EYS: variants seen among roughly 807,000 people sequenced by gnomAD.
EYS encodes EGF-like photoreceptor maintenance factor.
Under a neutral mutation model 282.1 loss-of-function variants are expected in EYS, and 250 were observed. The ratio of observed to expected loss-of-function variants is 0.89; its 90% CI spans 0.80 to 0.98. The LOEUF is 0.98. Ranked by LOEUF, EYS falls within the 50% of genes least tolerant of loss-of-function variation. The pLI, the probability that EYS is intolerant of heterozygous loss-of-function variation, is 0.00. For synonymous variants in EYS, 1,355 were observed against 1,282.9 expected, an observed-to-expected ratio of 1.06 and a Z score of -1.20; for missense variants, 4,016 against 3,709.0, an observed-to-expected ratio of 1.08 and a Z score of -2.15.
chr6:65,305,194 CT>C (rs1426168438), intron 11 of EYS, among the ~76,000 whole-genome samples: 3 of 151,624 alleles, frequency 2.0e-5, no homozygotes, highest in Admixed American at 2.0e-4. Context: ...GAAAAAAGTT[CT>C]GTCATACCCT....
chr6:65,341,129 A>G (rs1381555849), intron 10 of EYS, among the ~76,000 whole-genome samples: 1 of 151,210 alleles, frequency 6.6e-6, no homozygotes, highest in African/African-American at 2.4e-5. Context: ...CGTGGGTTCT[A>G]TAAGTACATC....
intron 12 of EYS, among the ~76,000 whole-genome samples, chr6:65,222,279 G>A (rs1197993451): frequency 2.0e-5 from 3 of 152,146 alleles, no homozygotes; most frequent in South Asian, 2.1e-4. Flanking sequence ...ACCTTGAAAT[G>A]TAATAATCCC....
intron 35 of EYS, among the ~76,000 whole-genome samples, chr6:63,895,136 A>G (rs1243450749): frequency 1.1e-5 from 1 of 93,390 alleles, no homozygotes; most frequent in East Asian, 3.1e-4. Flanking sequence ...TTAAACATGC[A>G]CTTGTGAGCG....
intron 5 of EYS, among the ~76,000 whole-genome samples, chr6:65,461,787 A>T (rs953484276): frequency 9.9e-5 from 15 of 152,156 alleles, no homozygotes; most frequent in Non-Finnish European, 1.5e-5. Flanking sequence ...ACAGTAAAAC[A>T]ACCATTATTA....
chr6:64,177,816 A>C (rs1263078790), intron 31 of EYS, among the ~76,000 whole-genome samples: 4 of 152,132 alleles, frequency 2.6e-5, no homozygotes, highest in Non-Finnish European at 4.4e-5. Context: ...CAGAAGTTCC[A>C]CTTCATAATT....
chr6:65,034,111 C>G (rs538389450), intron 13 of EYS, among the ~76,000 whole-genome samples: 2 of 152,268 alleles, frequency 1.3e-5, no homozygotes, highest in South Asian at 2.1e-4. Context: ...GCCTGTAGCC[C>G]CTTTCTTTTG....
intron 22 of EYS, among the ~76,000 whole-genome samples, chr6:64,632,970 T>C (rs1767842057): frequency 6.6e-6 from 1 of 152,190 alleles, no homozygotes; most frequent in Non-Finnish European, 1.5e-5. Flanking sequence ...TTTTCAAATG[T>C]GTAATTTAAT....
intron 22 of EYS, among the ~76,000 whole-genome samples, chr6:64,750,119 C>T (rs937967298): frequency 2.0e-5 from 3 of 151,820 alleles, no homozygotes; most frequent in African/African-American, 7.3e-5. Context: ...ATATCTCTTA[C>T]AAAAAGGTTC....
intron 33 of EYS, among the ~76,000 whole-genome samples, chr6:64,029,340 G>A (rs1054541970): frequency 6.6e-6 from 1 of 152,210 alleles, no homozygotes; most frequent in Non-Finnish European, 1.5e-5. Flanking sequence ...AAGGGTAGTT[G>A]CAGCAGTGGC....
chr6:64,784,899 G>C (rs1286092375), intron 22 of EYS, among the ~76,000 whole-genome samples: 1 of 151,906 alleles, frequency 6.6e-6, no homozygotes. Context: ...AGTTGTATTC[G>C]AGGCCCCTTT....
intron 15 of EYS, among the ~76,000 whole-genome samples, chr6:64,919,419 C>T (rs796502728): frequency 7.4e-5 from 10 of 135,508 alleles, no homozygotes; most frequent in South Asian, 2.3e-4. Flanking sequence ...TTCTTTTTTT[C>T]TTTTTTTTTT....
At chr6:64,510,223 A>T (rs1777340999) in intron 26 of EYS, among the ~76,000 whole-genome samples, 1 of 152,204 alleles carries the variant, frequency 6.6e-6, no homozygotes, top group African/African-American at 2.4e-5. Flanking sequence ...AATGTTCATA[A>T]TTAATTTTCA....
intron 29 of EYS, among the ~76,000 whole-genome samples, chr6:64,313,500 G>A (rs375971748): frequency 5.9e-5 from 9 of 151,944 alleles, no homozygotes; most frequent in South Asian, 2.1e-4. Context: ...CTAACAAGGC[G>A]GATCAACATT....
chr6:64,448,218 G>A lies in EYS; in HGVS notation c.5645-8866C>T, dbSNP rs190745141. Among the ~76,000 whole-genome samples, 288 of 152,342 alleles carry A rather than the reference G, an allele frequency of 1.9e-3. 1 individual carries two copies. Among genetic ancestry groups the A allele is most frequent in the African/African-American group, 6.7e-3 (280 of 41,588 alleles). On this transcript the variant is annotated intron_variant, in intron 26 of 42. Coordinates refer to ENST00000503581, the MANE Select transcript of EYS (RefSeq NM_001142800.2). ...CACACCAGGAGATTATATCCCGCAG[G>A]TGGCTCTGAAGGTCCTATGCCCACG...
At chr6:64,012,890 A>T (rs1768709022) in intron 33 of EYS, among the ~76,000 whole-genome samples, 1 of 152,194 alleles carries the variant, frequency 6.6e-6, no homozygotes, top group African/African-American at 2.4e-5. Context: ...AGATCGTCAC[A>T]GAGTTGGCCA....
intron 18 of EYS, among the ~76,000 whole-genome samples, chr6:64,889,255 A>G (rs9453098): frequency 0.55 from 83,495 of 151,348 alleles, 23,765 homozygotes; most frequent in Non-Finnish European, 0.62. Context: ...GATTTTCATT[A>G]TCTTAAATAT....
intron 5 of EYS, among the ~76,000 whole-genome samples, chr6:65,481,071 G>A (rs1040644083): frequency 1.3e-5 from 2 of 152,056 alleles, no homozygotes; most frequent in Admixed American, 6.6e-5. Context: ...GTGGTTAACC[G>A]TAATTTATTA....
intron 5 of EYS, among the ~76,000 whole-genome samples, chr6:65,438,086 T>C (rs943382532): frequency 6.8e-6 from 1 of 147,880 alleles, no homozygotes; most frequent in Non-Finnish European, 1.5e-5. Context: ...AATTCCCACC[T>C]ACGAGTGAGA....
intron 8 of EYS, among the ~76,000 whole-genome samples, chr6:65,358,953 C>A (rs539758943): frequency 6.6e-6 from 1 of 151,940 alleles, no homozygotes; most frequent in African/African-American, 2.4e-5. Flanking sequence ...TCTATTTCTT[C>A]TTTTAGTGAG....
Sources: gnomAD v4.1 joint callset for allele counts (sites outside exome capture counted in the v4.1 genomes callset) on GRCh38, gnomAD v4.1.1 for gene constraint, MANE v1.5 for transcripts, NCBI Gene and HGNC (gene_info 2026-07-23, HGNC 2026-07-21) for gene names.